The following CHD2 variants were observed in gnomAD, a reference collection of about 807,000 sequenced individuals.
CHD2 encodes the protein chromodomain helicase DNA binding protein 2.
A neutral mutation model predicts 243.9 loss-of-function variants in CHD2; 28 were observed. The ratio of observed to expected loss-of-function variants is 0.11; its 90% CI spans 0.09 to 0.16. The LOEUF is 0.16. Ranked by LOEUF, CHD2 falls within the 10% of genes least tolerant of loss-of-function variation. The probability of loss-of-function intolerance (pLI) is 1.00; values close to 1 mark genes in which losing one functional copy is unlikely to be tolerated. For synonymous variants in CHD2, 775 were observed against 779.0 expected (o/e 0.99, Z 0.09); for missense variants, 1,386 against 2,209.8 (o/e 0.63, Z 7.47).
intron 34 of CHD2, among the ~76,000 whole-genome samples, chr15:93,006,287 C>G (rs556317531): frequency 1.3e-5 from 2 of 152,000 alleles, no homozygotes; most frequent in African/African-American, 4.8e-5. Context: ...CCACCACACC[C>G]GGCTAACTTT....
chr15:92,995,562 A>C (rs2054176964), intron 28 of CHD2, among the ~76,000 whole-genome samples: 1 of 152,194 alleles, frequency 6.6e-6, no homozygotes, highest in African/African-American at 2.4e-5. Context: ...GACTGAGATA[A>C]ATTCATATCA....
intron 2 of CHD2, chr15:92,921,559 C>G (rs2052956263): frequency 6.6e-6 from 1 of 152,158 alleles, no homozygotes; most frequent in African/African-American, 2.4e-5. Context: ...CTGTACCTGT[C>G]TGTCCATGAA....
chr15:92,910,482 T>C (rs1372586605), intron 2 of CHD2, among the ~76,000 whole-genome samples: 1 of 152,122 alleles, frequency 6.6e-6, no homozygotes, highest in Non-Finnish European at 1.5e-5. Flanking sequence ...AACCTCCGCC[T>C]CCCAGGTTCA....
At chr15:92,963,562 T>G (rs1470071) in intron 16 of CHD2, among the ~76,000 whole-genome samples, 1 of 152,114 alleles carries the variant, frequency 6.6e-6, no homozygotes, top group African/African-American at 2.4e-5. Context: ...TTCATATTTA[T>G]CCATATATTT....
chr15:92,951,739 A>G (rs1484949440), intron 13 of CHD2, among the ~76,000 whole-genome samples: 3 of 152,196 alleles, frequency 2.0e-5, no homozygotes, highest in Admixed American at 6.5e-5. Context: ...AAATTACTCA[A>G]AGGAATATAC....
chr15:92,972,317 G>T lies in CHD2; in HGVS notation c.2405G>T (p.Arg802Ile). Residue 802 changes from arginine to isoleucine, a missense_variant, in exon 19 of 39, where the codon AGA becomes ATA. This residue lies in a region of CHD2 where 118 missense variants were observed against 266.3 expected (regional missense o/e 0.44). Transcript: ENST00000394196. The stretch of plus-strand genomic sequence containing the variant: ...ATTTTATTAGACAAACTGTTGACAA[G>T]ACTTCGAGAAAGGGGGAATCGAGTG... ...KLILLDKLLT[R>I]LRERGNRVLI... 1 of 1,613,024 alleles carries T rather than the reference G, an allele frequency of 6.2e-7. No individual in the cohort carries two copies. The highest frequency in any genetic ancestry group is 8.5e-7 in the Non-Finnish European group (1 of 1,179,552).
Position 92,997,322 on chromosome 15 carries a change from C to G in CHD2, c.3804C>G (p.Arg1268=). 1 of 1,613,656 alleles carries G rather than the reference C, an allele frequency of 6.2e-7. No homozygotes were observed. The highest frequency in any genetic ancestry group is 8.5e-7 in the Non-Finnish European group (1 of 1,179,838). ...AGTGGGGGGTGGAAGATGATTCTCGCCTGTTGCTGGGGATTTATGAACATG... is the reference window on the plus strand; with the variant it reads ...AGTGGGGGGTGGAAGATGATTCTCGGCTGTTGCTGGGGATTTATGAACATG... ...DVEWGVEDDS[R]LLLGIYEHGY... The change falls in exon 30 of 39, where the codon CGC becomes CGG. Residue 1268 remains arginine (R), a synonymous_variant. Transcript: ENST00000394196. This position sits in a 1 kb window ranked among gnomAD's most constrained non-coding sequence, Gnocchi z 4.1.
intron 20 of CHD2, among the ~76,000 whole-genome samples, chr15:92,976,335 T>A (rs1389777084): frequency 6.6e-6 from 1 of 152,188 alleles, no homozygotes; most frequent in Non-Finnish European, 1.5e-5. Context: ...CAAAATATTA[T>A]ATGCTTACTT....
At chr15:92,937,671 C>A in intron 6 of CHD2, 46 bp downstream of exon 6, 1 of 1,358,264 alleles carries the variant, frequency 7.4e-7, no homozygotes, top group Non-Finnish European at 1.0e-6. Flanking sequence ...GCTTAATCTG[C>A]TGTAGATTGG....
At chr15:92,943,550 A>G (rs905259291) in intron 9 of CHD2, 18 of 161,184 alleles carry the variant, frequency 1.1e-4, no homozygotes, top group African/African-American at 3.9e-4. Flanking sequence ...TTCTGGTTTT[A>G]TACAATTTGC....
At chr15:92,950,914 AAATT>A (rs1309258370) in intron 13 of CHD2, among the ~76,000 whole-genome samples, 2 of 152,156 alleles carry the variant, frequency 1.3e-5, no homozygotes, top group African/African-American at 4.8e-5. Flanking sequence ...TCAGTTGTGA[AAATT>A]AGGTGTCTTG....
At chr15:92,901,463 AC>A (rs1309473078) in intron 2 of CHD2, 164 bp downstream of exon 2, 2 of 609,442 alleles carry the variant, frequency 3.3e-6, no homozygotes, top group African/African-American at 3.7e-5. Flanking sequence ...AATATGCCAC[AC>A]CCTAATTTTT....
At chr15:92,967,910 T>G (rs535787897) in intron 17 of CHD2, among the ~76,000 whole-genome samples, 1 of 152,288 alleles carries the variant, frequency 6.6e-6, no homozygotes, top group African/African-American at 2.4e-5. Flanking sequence ...TATACATGTA[T>G]GTATATCTCC....
At chr15:92,989,017 A>G (rs1234014010) in intron 26 of CHD2, among the ~76,000 whole-genome samples, 3 of 138,818 alleles carry the variant, frequency 2.2e-5, no homozygotes, top group Non-Finnish European at 3.1e-5. Context: ...TATACTTCAT[A>G]CTTCATACTT....
intron 17 of CHD2, among the ~76,000 whole-genome samples, chr15:92,970,236 T>C (rs996135758): frequency 4.0e-5 from 6 of 149,646 alleles, no homozygotes; most frequent in African/African-American, 1.5e-4. Flanking sequence ...AGTTTCGCTC[T>C]TGTTGCCCAG....
intron 13 of CHD2, among the ~76,000 whole-genome samples, chr15:92,951,066 C>A (rs1269466826): frequency 6.6e-6 from 1 of 152,046 alleles, no homozygotes. Context: ...TGATCTAATC[C>A]TCTCATTTTA....
Position 93,004,721 on chromosome 15 carries a change from T to G in CHD2, c.4383T>G (p.Asp1461Glu), listed in dbSNP as rs368376779. 2 of 1,613,378 alleles carry G rather than the reference T, an allele frequency of 1.2e-6. No homozygotes were observed. The highest frequency in any genetic ancestry group is 1.1e-5 in the South Asian group (1 of 90,934). Residue 1461 changes from aspartate (D) to glutamate (E), a missense_variant, in exon 34 of 39, where the codon GAT becomes GAG. Physicochemically the swap from Asp to Glu is conservative, Grantham distance 45. This residue lies in a region of CHD2 where 22 missense variants were observed against 60.2 expected (regional missense o/e 0.37). Coordinates refer to ENST00000394196, the MANE Select transcript of CHD2 (RefSeq NM_001271.4). ...CTGTCCCCATTGGAGAGGATGAGGATGATGATCTGGACCAGGAGACATTCA... is the reference window on the plus strand; with the variant it reads ...CTGTCCCCATTGGAGAGGATGAGGAGGATGATCTGGACCAGGAGACATTCA... Reference protein sequence around the residue: ...SEPVPIGEDEDDDLDQETFSI... With the variant: ...SEPVPIGEDEEDDLDQETFSI...
intron 2 of CHD2, chr15:92,904,863 A>G (rs2052590182): frequency 6.6e-7 from 1 of 1,526,250 alleles, no homozygotes; most frequent in Non-Finnish European, 8.7e-7. Context: ...GGATACTTTT[A>G]TTTTAGTGAA....
Position 92,974,935 on chromosome 15 carries a change from T to C in CHD2, c.2562T>C (p.Asn854=), listed in dbSNP as rs1035687846. The change falls in exon 20 of 39, where the codon AAT becomes AAC. Residue 854 remains asparagine, a synonymous_variant. Coordinates refer to ENST00000394196, the MANE Select transcript of CHD2 (RefSeq NM_001271.4). ...EIRKQALDHF[N]ADGSEDFCFL... ...GAAAACAGGCACTGGACCACTTCAA[T>C]GCAGATGGGTCTGAGGTATACTATG... 11 of 1,613,598 alleles carry C rather than the reference T, an allele frequency of 6.8e-6. No homozygotes were observed. In the African/African-American group the frequency reaches 1.5e-4, roughly 22 times the overall value.
Sources: allele counts gnomAD v4.1 joint callset (sites outside exome capture counted in the v4.1 genomes callset), GRCh38; gene constraint gnomAD v4.1.1; regional missense constraint gnomAD v4.1.1; non-coding constraint Gnocchi (gnomAD v3.1); transcripts MANE v1.5; gene names NCBI Gene and HGNC (gene_info 2026-07-23, HGNC 2026-07-21).